CCNA2: variants seen among roughly 807,000 people sequenced by gnomAD.
CCNA2 encodes cyclin A2.
Under a neutral mutation model 49.4 loss-of-function variants are expected in CCNA2, and 3 were observed. That is an observed-to-expected ratio of 0.06 (90% CI 0.03 to 0.16). The LOEUF (loss-of-function observed/expected upper bound fraction) is 0.16, where lower values mean the gene tolerates loss of function less well. Ranked by LOEUF, CCNA2 falls within the 10% of genes least tolerant of loss-of-function variation. The pLI is 1.00. For missense variants in CCNA2, 372 were observed against 519.7 expected, an observed-to-expected ratio of 0.72 and a Z score of 2.76; for synonymous variants, 206 against 197.2, an observed-to-expected ratio of 1.04 and a Z score of -0.37.
intron 7 of CCNA2, among the ~76,000 whole-genome samples, 159 bp downstream of exon 7, chr4:121,817,885 G>A (rs569891002): frequency 1.3e-5 from 2 of 152,086 alleles, no homozygotes; most frequent in Middle Eastern, 3.4e-3. Context: ...CCAGACCCAG[G>A]GCAGAAAGCA....
In CCNA2 at chr4:121,823,603, G is replaced by A. The variant is rs774718459; in HGVS notation, c.26C>T (p.Pro9Leu). Residue 9 changes from proline (P) to leucine (L), a missense_variant, in exon 1 of 8, where the codon CCT becomes CTT. By Grantham distance (98) the Pro-to-Leu change is moderately conservative. Coordinates refer to ENST00000274026, the MANE Select transcript of CCNA2 (RefSeq NM_001237.5). MLGNSAPGPATREAGSALL... is the reference protein window; with the variant it reads MLGNSAPGLATREAGSALL... ...CGCCGAGCCCGCCTCGCGGGTCGCA[G>A]GCCCCGGCGCAGAGTTGCCCAACAT... The A allele has an allele frequency of 8.1e-6, 13 of 1,600,394 alleles. 1 individual carries two copies. In the South Asian group the frequency reaches 1.0e-4, roughly 12 times the overall value.
Position 121,819,359 on chromosome 4 carries a change from A to G in CCNA2, c.1002+13T>C, listed in dbSNP as rs1724633591. 2 of 1,599,922 alleles carry G rather than the reference A, an allele frequency of 1.3e-6. No homozygotes were observed. Among genetic ancestry groups the G allele is most frequent in the African/African-American group, 2.7e-5 (2 of 74,610 alleles). On this transcript the variant is annotated intron_variant, in intron 5 of 7. Transcript: ENST00000274026. ...CAAAGAATCACCATTCAACAAAATG[A>G]AAGTTAACTCACCATTGCTAAACTT... is the stretch of plus-strand genomic sequence containing the variant.
chr4:121,819,293 G>A (rs934602112), intron 5 of CCNA2, 79 bp downstream of exon 5: 1 of 1,038,266 alleles, frequency 9.6e-7, no homozygotes, highest in African/African-American at 1.6e-5. Context: ...AAGGAACTAG[G>A]TTCCTTTACA....
At chr4:121,821,699 T>A (rs1042524601) in intron 2 of CCNA2, among the ~76,000 whole-genome samples, 1 of 152,244 alleles carries the variant, frequency 6.6e-6, no homozygotes, top group African/African-American at 2.4e-5. Context: ...AAACATTTTC[T>A]GCAAAATTTT....
chr4:121,820,081 C>T lies in CCNA2; in HGVS notation c.794+461G>A, dbSNP rs996696407. Among the ~76,000 whole-genome samples, 5 of 151,870 alleles carry T rather than the reference C, an allele frequency of 3.3e-5. No individual in the cohort carries two copies. Among genetic ancestry groups the T allele is most frequent in the African/African-American group, 7.2e-5 (3 of 41,446 alleles). On this transcript the variant is annotated intron_variant, in intron 4 of 7. Coordinates refer to ENST00000274026, the MANE Select transcript of CCNA2 (RefSeq NM_001237.5). This position sits in a 1 kb window ranked among gnomAD's most constrained non-coding sequence, Gnocchi z 4.1. ...TCAGCCTCCCTAGTAGCTGAGATTA[C>T]AGGCATGCATCACCATGCCCAGCTA... is the stretch of plus-strand genomic sequence containing the variant.
chr4:121,819,363 T>G lies in CCNA2; in HGVS notation c.1002+9A>C. ...GAATCACCATTCAACAAAATGAAAG[T>G]TAACTCACCATTGCTAAACTTTCAA... On this transcript the variant is annotated intron_variant, in intron 5 of 7. Transcript: ENST00000274026. 1 of 1,605,112 alleles carries G rather than the reference T, an allele frequency of 6.2e-7. No homozygotes were observed. The highest frequency in any genetic ancestry group is 1.1e-5 in the South Asian group (1 of 90,826).
In CCNA2 at chr4:121,817,360, T is replaced by A; in HGVS notation, c.*278A>T. ...AAGCAAAATCCTGAAGAAGTTAAAT[T>A]TGACTTGCAAAGTTTTCCAAATCAA... On this transcript the variant is annotated 3_prime_UTR_variant, in exon 8 of 8. Transcript: ENST00000274026. The A allele has an allele frequency of 3.1e-6, 1 of 319,354 alleles. No individual in the cohort carries two copies. The highest frequency in any genetic ancestry group is 5.7e-6 in the Non-Finnish European group (1 of 176,358). 19.8% of individuals were successfully genotyped at this position (319,354 alleles called of 1,614,324 possible).
intron 6 of CCNA2, 124 bp from the exon 7 acceptor site, chr4:121,818,301 T>G: frequency 1.2e-6 from 1 of 839,098 alleles, no homozygotes; most frequent in African/African-American, 1.7e-5. Flanking sequence ...CAACTACTAG[T>G]TTTCTCAGGC....
At chr4:121,817,902 A>T (rs1578511656) in intron 7 of CCNA2, 142 bp downstream of exon 7, 2 of 1,051,058 alleles carry the variant, frequency 1.9e-6, no homozygotes, top group East Asian at 5.1e-5. Flanking sequence ...AGCATGAACT[A>T]CAACCTTCTT....
rs1724763637 is a variant in CCNA2, at chr4:121,823,665, G to A, written c.-37C>T. 9.1e-6 allele frequency: 14 copies of A among 1,533,096 alleles called. No individual in the cohort carries two copies. Among genetic ancestry groups the A allele is most frequent in the Non-Finnish European group, 1.2e-5 (14 of 1,143,626 alleles). 95.0% of individuals were successfully genotyped at this position (1,533,096 alleles called of 1,614,324 possible). On this transcript the variant is annotated 5_prime_UTR_variant, in exon 1 of 8. Coordinates refer to ENST00000274026, the MANE Select transcript of CCNA2 (RefSeq NM_001237.5). Reference sequence around the variant, plus strand: ...GGAGTGGACGGCGGGATCAGCCTGCGGCGCCAAGCAGCGTGCACTCTGCCC... The same window carrying A: ...GGAGTGGACGGCGGGATCAGCCTGCAGCGCCAAGCAGCGTGCACTCTGCCC...
intron 6 of CCNA2, 51 bp from the exon 7 acceptor site, chr4:121,818,228 C>T: frequency 6.6e-7 from 1 of 1,514,098 alleles, no homozygotes; most frequent in Non-Finnish European, 9.0e-7. Context: ...AGTAACACAC[C>T]AAACACAGTA....
chr4:121,820,879 G>T lies in CCNA2; in HGVS notation c.570+100C>A. On this transcript the variant is annotated intron_variant, in intron 3 of 7. Transcript: ENST00000274026. This position sits in a 1 kb window ranked among gnomAD's most constrained non-coding sequence, Gnocchi z 4.1. ...TGCTATAAACTTAACTGTAGCATTAGAATAATTCATTAGTTTAAAAATTTA... is the reference window on the plus strand; with the variant it reads ...TGCTATAAACTTAACTGTAGCATTATAATAATTCATTAGTTTAAAAATTTA... 1.1e-5 allele frequency: 14 copies of T among 1,271,904 alleles called. No homozygotes were observed. The highest frequency in any genetic ancestry group is 1.6e-5 in the Non-Finnish European group (14 of 893,862). The allele number at this position is 1,271,904 out of a possible 1,614,324, so 78.8% of individuals were successfully genotyped here.
Position 121,819,507 on chromosome 4 carries a change from T to C in CCNA2, c.867A>G (p.Lys289=), listed in dbSNP as rs1251633604. ...CTAGATGCTCCATTCTCAGAACTTGTTTCTTGGTGTAGGTATCATCTGTAA... is the reference window on the plus strand; with the variant it reads ...CTAGATGCTCCATTCTCAGAACTTGCTTCTTGGTGTAGGTATCATCTGTAA... ...VYITDDTYTK[K]QVLRMEHLVL... is the part of the protein sequence containing the mutation. Residue 289 remains lysine (K), a synonymous_variant, in exon 5 of 8, where the codon AAA becomes AAG. Coordinates refer to ENST00000274026, the MANE Select transcript of CCNA2 (RefSeq NM_001237.5). 3 of 1,613,926 alleles carry C rather than the reference T, an allele frequency of 1.9e-6. No individual in the cohort carries two copies. The highest frequency in any genetic ancestry group is 2.5e-6 in the Non-Finnish European group (3 of 1,179,780).
chr4:121,822,755 T>C, intron 1 of CCNA2, 109 bp from the exon 2 acceptor site: 3 of 1,144,360 alleles, frequency 2.6e-6, no homozygotes, highest in Non-Finnish European at 3.7e-6. Flanking sequence ...AATTAAACTT[T>C]CTGGGACAAA....
At position 121,817,561 on chromosome 4, in the gene CCNA2, T is replaced by G. The variant is rs1724573100; in HGVS notation, c.*77A>C. The stretch of plus-strand genomic sequence containing the variant: ...CTGTATTCAGAAATGATTGTAAAAT[T>G]AAAACCTAAGTTAAAAACTGTACAC... On this transcript the variant is annotated 3_prime_UTR_variant, in exon 8 of 8. Transcript: ENST00000274026. 5.1e-6 allele frequency: 8 copies of G among 1,559,274 alleles called. No individual in the cohort carries two copies. The highest frequency in any genetic ancestry group is 1.4e-5 in the African/African-American group (1 of 72,966).
In CCNA2 at chr4:121,817,632, T is replaced by C; in HGVS notation, c.*6A>G. The C allele has an allele frequency of 6.2e-7, 1 of 1,613,922 alleles. No homozygotes were observed. Among genetic ancestry groups the C allele is most frequent in the Non-Finnish European group, 8.5e-7 (1 of 1,179,880 alleles). ...CATCTTAGAAAACAAAGGCAGTCTTTCATTGTTACAGATTTAGTGTCTCTG... is the reference window on the plus strand; with the variant it reads ...CATCTTAGAAAACAAAGGCAGTCTTCCATTGTTACAGATTTAGTGTCTCTG... On this transcript the variant is annotated 3_prime_UTR_variant, in exon 8 of 8. Transcript: ENST00000274026.
chr4:121,818,213 CTT>C (rs746256012), intron 6 of CCNA2, 36 bp from the exon 7 acceptor site: 3 of 1,583,902 alleles, frequency 1.9e-6, no homozygotes, highest in Admixed American at 3.6e-5. Context: ...CTGAGTTTTG[CTT>C]TTAGTAACAC....
Sources: gnomAD v4.1 joint callset for allele counts (sites outside exome capture counted in the v4.1 genomes callset) on GRCh38, gnomAD v4.1.1 for gene constraint, Gnocchi (gnomAD v3.1) non-coding constraint, MANE v1.5 for transcripts, NCBI Gene and HGNC (gene_info 2026-07-23, HGNC 2026-07-21) for gene names.